CUL4A: variants seen among roughly 807,000 people sequenced by gnomAD.
CUL4A encodes the protein cullin-4A.
In CUL4A, 16 loss-of-function variants were observed where a neutral mutation model predicts 95.5. The observed-to-expected ratio is 0.17, with a 90% CI of 0.11 to 0.25. CUL4A has a LOEUF of 0.25. Among genes scored for constraint, CUL4A ranks in the 10% least tolerant of loss-of-function variants. The pLI is 1.00. For synonymous variants in CUL4A, 380 were observed against 353.1 expected, an observed-to-expected ratio of 1.08 and a Z score of -0.85; for missense variants, 610 against 937.0, an observed-to-expected ratio of 0.65 and a Z score of 4.56.
At chr13:113,227,197 A>G (rs2041136177) in intron 3 of CUL4A, among the ~76,000 whole-genome samples, 1 of 152,246 alleles carries the variant, frequency 6.6e-6, no homozygotes, top group African/African-American at 2.4e-5. Flanking sequence ...ATCTTAGCCC[A>G]CTGGGGCTGC....
At chr13:113,209,552 CGCGGACCGGGGCGG>C, upstream of CUL4A, 1 of 864,824 alleles carries the variant, frequency 1.2e-6, no homozygotes, top group Non-Finnish European at 1.4e-6. Flanking sequence ...GCGGAGGCCG[CGCGGACCGGGGCGG>C]GCGGAGCGGA....
At chr13:113,250,497 A>C (rs771468863) in intron 15 of CUL4A, among the ~76,000 whole-genome samples, 61 of 152,076 alleles carry the variant, frequency 4.0e-4, no homozygotes, top group Non-Finnish European at 1.9e-4. Flanking sequence ...ATTCTCCCAA[A>C]AGTTTTATAG....
rs1225591416 is a variant in CUL4A, at chr13:113,225,147, G to C, written c.369-2829G>C. Among the ~76,000 whole-genome samples, 7 of 152,222 alleles carry C rather than the reference G, an allele frequency of 4.6e-5. No individual in the cohort carries two copies. The East Asian group carries it at 1.4e-3, about 29-fold the overall frequency. On this transcript the variant is annotated intron_variant, in intron 3 of 19. Transcript: ENST00000375440. ...AAGACCTGCCTAACTCGTCTCAGTA[G>C]GCTGTATAAATCGTTTAATGAAGAT...
intron 11 of CUL4A, 152 bp downstream of exon 11, chr13:113,243,312 T>C: frequency 4.5e-6 from 3 of 663,048 alleles, no homozygotes; most frequent in South Asian, 2.5e-5. Flanking sequence ...TCAAGTCTTA[T>C]TAGGACACAA....
chr13:113,261,594 C>T (rs1445062624), intron 19 of CUL4A, among the ~76,000 whole-genome samples: 2 of 152,222 alleles, frequency 1.3e-5, no homozygotes, highest in African/African-American at 4.8e-5. Flanking sequence ...CTCCCACCAG[C>T]TGGAGCAAGT....
chr13:113,208,654 G>A (rs1011625946), upstream of CUL4A: 22 of 1,604,030 alleles, frequency 1.4e-5, no homozygotes, highest in Non-Finnish European at 1.6e-5. Context: ...GCCGAACGGA[G>A]AGCGCCACCC....
intron 7 of CUL4A, 47 bp downstream of exon 7, chr13:113,234,033 A>ATG: frequency 1.7e-6 from 2 of 1,162,204 alleles, no homozygotes; most frequent in Non-Finnish European, 2.6e-6. Flanking sequence ...GTTTCTGCAG[A>ATG]TGAGCACCTA....
At position 113,227,979 on chromosome 13, in the gene CUL4A, C is replaced by A. The variant is rs760995955; in HGVS notation, c.372C>A (p.Asp124Glu). 1 of 1,601,612 alleles carries A rather than the reference C, an allele frequency of 6.2e-7. No homozygotes were observed. The highest frequency in any genetic ancestry group is 1.7e-5 in the Admixed American group (1 of 59,972). Reference sequence around the variant, plus strand: ...GTTTTCCTTAGCAGATCTGTACAGACTCACTAGATAGTGTTTTATTTTTAA... The same window carrying A: ...GTTTTCCTTAGCAGATCTGTACAGAATCACTAGATAGTGTTTTATTTTTAA... ...VQAQILPFRE[D>E]SLDSVLFLKK... The change falls in exon 4 of 20, where the codon GAC (aspartate) becomes GAA (glutamate). Residue 124 changes from aspartate (D) to glutamate (E), a missense_variant. Physicochemically the swap from Asp to Glu is conservative, Grantham distance 45 (BLOSUM62 2). Coordinates refer to ENST00000375440, the MANE Select transcript of CUL4A (RefSeq NM_001008895.4).
chr13:113,223,149 G>A (rs578175840), intron 3 of CUL4A, among the ~76,000 whole-genome samples: 7 of 152,128 alleles, frequency 4.6e-5, no homozygotes, highest in Non-Finnish European at 1.0e-4. Flanking sequence ...GTCCAACTCA[G>A]CACTGTGCGT....
intron 2 of CUL4A, among the ~76,000 whole-genome samples, chr13:113,218,398 T>C (rs35569628): frequency 0.24 from 36,967 of 152,086 alleles, 5,209 homozygotes; most frequent in East Asian, 0.55. Context: ...TCAGTTTGGA[T>C]TGAATCACTG....
intron 19 of CUL4A, 119 bp downstream of exon 19, chr13:113,260,878 A>G: frequency 1.3e-6 from 1 of 791,454 alleles, no homozygotes; most frequent in Non-Finnish European, 2.0e-6. Context: ...CTTTGTGTAT[A>G]CACTGAATGT....
At chr13:113,230,910 A>G (rs961138400) in intron 5 of CUL4A, among the ~76,000 whole-genome samples, 3 of 152,078 alleles carry the variant, frequency 2.0e-5, no homozygotes, top group South Asian at 2.1e-4. Flanking sequence ...AGCTGGGACT[A>G]TAGGCACGCA....
upstream of CUL4A, chr13:113,208,878 G>A: frequency 2.9e-6 from 4 of 1,398,442 alleles, no homozygotes; most frequent in East Asian, 2.8e-5. Flanking sequence ...TGTGTGTTCG[G>A]GCCCGCCCGG....
At chr13:113,217,404 A>G (rs550633082) in intron 2 of CUL4A, among the ~76,000 whole-genome samples, 4 of 152,352 alleles carry the variant, frequency 2.6e-5, no homozygotes, top group African/African-American at 9.6e-5. Context: ...AGTAAGACAA[A>G]ATGTAGGGGG....
rs774096007 is a variant in CUL4A at position 113,243,166 on chromosome 13, A to G, written c.1228+6A>G. 1.9e-6 allele frequency: 3 copies of G among 1,579,288 alleles called. No individual in the cohort carries two copies. The highest frequency in any genetic ancestry group is 2.6e-6 in the Non-Finnish European group (3 of 1,155,790). The stretch of plus-strand genomic sequence containing the variant: ...CAAGCCTGCAGAACTGATCGGTAGA[A>G]AAATATTTGTTTTTTTTGTTTGTTT... On this transcript the variant is annotated splice_donor_region_variant and intron_variant, in intron 11 of 19. Coordinates refer to ENST00000375440, the MANE Select transcript of CUL4A (RefSeq NM_001008895.4).
At chr13:113,244,920 C>G in intron 12 of CUL4A, 29 bp from the exon 13 acceptor site, 1 of 1,385,994 alleles carries the variant, frequency 7.2e-7, no homozygotes. Flanking sequence ...TCTCTGATGT[C>G]TTGATTATTC....
intron 9 of CUL4A, among the ~76,000 whole-genome samples, chr13:113,238,326 C>G (rs752210052): frequency 3.3e-5 from 5 of 151,576 alleles, no homozygotes; most frequent in Non-Finnish European, 7.4e-5. Context: ...TGGTGCATGC[C>G]TAGGGTACCA....
intron 3 of CUL4A, among the ~76,000 whole-genome samples, chr13:113,225,364 C>T (rs2139144819): frequency 6.6e-6 from 1 of 152,226 alleles, no homozygotes; most frequent in African/African-American, 2.4e-5. Context: ...TTAGTAAATG[C>T]CACACTGATT....
chr13:113,228,080 T>G, intron 4 of CUL4A, 35 bp downstream of exon 4: 1 of 1,470,392 alleles, frequency 6.8e-7, no homozygotes, highest in African/African-American at 1.4e-5. Flanking sequence ...AAACACGACC[T>G]CATCCATCTT....
Sources: gnomAD v4.1 joint callset for allele counts (sites outside exome capture counted in the v4.1 genomes callset) on GRCh38, gnomAD v4.1.1 for gene constraint, MANE v1.5 for transcripts, NCBI Gene and HGNC (gene_info 2026-07-23, HGNC 2026-07-21) for gene names.